IL17RA: variants seen among roughly 807,000 people sequenced by gnomAD.
IL17RA encodes the protein interleukin-17 receptor A.
A neutral mutation model predicts 50.4 loss-of-function variants in IL17RA; 34 were observed. The ratio of observed to expected loss-of-function variants is 0.67; its 90% CI spans 0.51 to 0.90. The LOEUF (loss-of-function observed/expected upper bound fraction) is 0.90. Ranked by LOEUF, IL17RA falls within the 40% of genes least tolerant of loss-of-function variation. The probability of loss-of-function intolerance (pLI) is 0.00; values close to 1 mark genes in which losing one functional copy is unlikely to be tolerated. For synonymous variants in IL17RA, 585 were observed against 510.4 expected, an observed-to-expected ratio of 1.15 and a Z score of -1.97; for missense variants, 1,276 against 1,169.8, an observed-to-expected ratio of 1.09 and a Z score of -1.32.
intron 11 of IL17RA, 113 bp from the exon 12 acceptor site, chr22:17,107,614 G>C: frequency 3.3e-6 from 3 of 904,802 alleles, no homozygotes; most frequent in Non-Finnish European, 3.7e-6. Context: ...GCTCAGTCTC[G>C]GGGCTGCCCC....
rs750454090 is a variant in IL17RA, at chr22:17,102,157, A to G, written c.617A>G (p.Asn206Ser). The G allele has an allele frequency of 8.7e-6, 14 of 1,614,002 alleles. No individual in the cohort carries two copies. Among genetic ancestry groups the G allele is most frequent in the African/African-American group, 2.7e-5 (2 of 74,910 alleles). ...CMSSGSLWDPNITVETLEAHQ... is the reference protein window; with the variant it reads ...CMSSGSLWDPSITVETLEAHQ... ...TTGGCAGGCAGCCTGTGGGACCCCA[A>G]CATCACCGTGGAGACCCTGGAGGCC... is the stretch of plus-strand genomic sequence containing the variant. Residue 206 changes from asparagine to serine, a missense_variant, in exon 7 of 13, where the codon AAC (asparagine) becomes AGC (serine). Asn to Ser is a conservative substitution (Grantham distance 46). Coordinates refer to ENST00000319363, the MANE Select transcript of IL17RA (RefSeq NM_014339.7).
At position 17,104,752 on chromosome 22, in the gene IL17RA, C is replaced by T. The variant is rs2228077; in HGVS notation, c.873C>T (p.Leu291=). The T allele has an allele frequency of 7.2e-4, 1,157 of 1,614,148 alleles. 5 individuals are homozygous for T. In the African/African-American group the frequency reaches 0.013, roughly 19 times the overall value. ...TCCAGCCCTTCTTCAGCAGCTGCCTCAATGACTGCCTCAGACACTCCGCGA... is the reference window on the plus strand; with the variant it reads ...TCCAGCCCTTCTTCAGCAGCTGCCTTAATGACTGCCTCAGACACTCCGCGA... ...VQIQPFFSSC[L]NDCLRHSATV... Residue 291 remains leucine (L), a synonymous_variant, in exon 9 of 13, where the codon CTC becomes CTT. Coordinates refer to ENST00000319363, the MANE Select transcript of IL17RA (RefSeq NM_014339.7).
chr22:17,096,707 A>G (rs574615758), intron 1 of IL17RA, among the ~76,000 whole-genome samples: 1 of 152,062 alleles, frequency 6.6e-6, no homozygotes, highest in African/African-American at 2.4e-5. Context: ...CGTCTCTACT[A>G]AAAACACAAA....
chr22:17,091,799 G>A (rs2061349230), intron 1 of IL17RA, among the ~76,000 whole-genome samples: 1 of 151,970 alleles, frequency 6.6e-6, no homozygotes, highest in African/African-American at 2.4e-5. Context: ...TCAAGATTTG[G>A]GGCCTTGGTC....
At chr22:17,099,736 A>G (rs2123799939) in intron 4 of IL17RA, among the ~76,000 whole-genome samples, 1 of 152,176 alleles carries the variant, frequency 6.6e-6, no homozygotes, top group Admixed American at 6.5e-5. Flanking sequence ...GAAGCAAAGG[A>G]CCCCGGCCCC....
chr22:17,109,771 A>C lies in IL17RA; in HGVS notation c.2552A>C (p.Asn851Thr). The change falls in exon 13 of 13, where the codon AAC becomes ACC. Residue 851 changes from asparagine to threonine, a missense_variant. Coordinates refer to ENST00000319363, the MANE Select transcript of IL17RA (RefSeq NM_014339.7). Reference sequence around the variant, plus strand: ...CTGCTTTTCCGCCAGCTGCAGAAGAACTCGGGCTGGGACACGATGGGGTCA... The same window carrying C: ...CTGCTTTTCCGCCAGCTGCAGAAGACCTCGGGCTGGGACACGATGGGGTCA... ...RQLLFRQLQK[N>T]SGWDTMGSES... 6.4e-7 allele frequency: 1 copy of C among 1,552,724 alleles called. No individual in the cohort carries two copies. Among genetic ancestry groups the C allele is most frequent in the Non-Finnish European group, 8.7e-7 (1 of 1,148,392 alleles).
At chr22:17,103,639 A>C in intron 8 of IL17RA, 62 bp downstream of exon 8, 1 of 1,239,256 alleles carries the variant, frequency 8.1e-7, no homozygotes, top group Non-Finnish European at 1.2e-6. Context: ...TAGAGTGGAC[A>C]GGAGTGAGGA....
In IL17RA at chr22:17,110,013, A is replaced by G. The variant is rs1331625694; in HGVS notation, c.*193A>G. 43 of 631,000 alleles carry G rather than the reference A, an allele frequency of 6.8e-5. No homozygotes were observed. In the East Asian group the frequency reaches 9.2e-4, roughly 13 times the overall value. The allele number at this position is 631,000 out of a possible 1,614,324, so 39.1% of individuals were successfully genotyped here. ...TTGTGCAGCGGTCTGGTTATCGTCT[A>G]TCCCCAGGGGAATCCACACAGCCCG... On this transcript the variant is annotated 3_prime_UTR_variant, in exon 13 of 13. Transcript: ENST00000319363.
chr22:17,094,680 T>TCC (rs2061361204), intron 1 of IL17RA, among the ~76,000 whole-genome samples: 9 of 73,450 alleles, frequency 1.2e-4, no homozygotes, highest in Admixed American at 5.9e-4. Flanking sequence ...TCTCTCTCTC[T>TCC]CTCTCTCTCT....
chr22:17,103,550 TA>T lies in IL17RA; in HGVS notation c.822del (p.Cys276AlafsTer68). The T allele has an allele frequency of 6.2e-7, 1 of 1,613,338 alleles. No homozygotes were observed. Among genetic ancestry groups the T allele is most frequent in the South Asian group, 1.1e-5 (1 of 90,932 alleles). On this transcript the variant is annotated frameshift_variant, in exon 8 of 13. Transcript: ENST00000319363. LOFTEE classifies it high-confidence loss of function. ...ACGTCACACTCACTCTACGCAACCT[TA>T]AAGGGTGCTGTCGCCACCAAGTGCA... ...SNVTLTLRNLKGCCRHQVQIQ... is the reference protein window; with the variant it reads ...SNVTLTLRNLXGCCRHQVQIQ...
chr22:17,112,272 C>T lies in IL17RA; in HGVS notation c.*2452C>T, dbSNP rs1406905429. Reference sequence around the variant, plus strand: ...TGCCTACTATCTCCAGGGCAGCTGCCTTTGTCCTCCTAACAGCTTTATTGG... The same window carrying T: ...TGCCTACTATCTCCAGGGCAGCTGCTTTTGTCCTCCTAACAGCTTTATTGG... On this transcript the variant is annotated 3_prime_UTR_variant, in exon 13 of 13. Transcript: ENST00000319363. 3 of 152,230 alleles carry T rather than the reference C, an allele frequency of 2.0e-5. No homozygotes were observed. The highest frequency in any genetic ancestry group is 7.2e-5 in the African/African-American group (3 of 41,436). The allele number at this position is 152,230 out of a possible 1,614,324, so 9.4% of individuals were successfully genotyped here.
intron 1 of IL17RA, among the ~76,000 whole-genome samples, chr22:17,086,559 C>A (rs1475982073): frequency 6.6e-6 from 1 of 152,002 alleles, no homozygotes; most frequent in African/African-American, 2.4e-5. Context: ...GAGTACAGGG[C>A]GCCATACTGG....
intron 7 of IL17RA, among the ~76,000 whole-genome samples, chr22:17,102,609 AAG>A (rs2061396021): frequency 6.6e-6 from 1 of 151,770 alleles, no homozygotes; most frequent in South Asian, 2.1e-4. Flanking sequence ...ATTTAAAAAA[AAG>A]AAGAAATGTG....
Position 17,110,036 on chromosome 22 carries a change from C to T in IL17RA, c.*216C>T, listed in dbSNP as rs2061434317. On this transcript the variant is annotated 3_prime_UTR_variant, in exon 13 of 13. Coordinates refer to ENST00000319363, the MANE Select transcript of IL17RA (RefSeq NM_014339.7). ...CTATCCCCAGGGGAATCCACACAGC[C>T]CGCTCCCAGGAGCTAATGGTAGAGC... 11 of 592,688 alleles carry T rather than the reference C, an allele frequency of 1.9e-5. No homozygotes were observed. In the South Asian group the frequency reaches 2.2e-4, roughly 12 times the overall value. 36.7% of individuals were successfully genotyped at this position (592,688 alleles called of 1,614,324 possible). A position where few individuals can be genotyped will look rare whatever the true frequency, so the allele number is the denominator to read the frequency against.
At chr22:17,090,761 C>A (rs2061345220) in intron 1 of IL17RA, among the ~76,000 whole-genome samples, 1 of 152,172 alleles carries the variant, frequency 6.6e-6, no homozygotes, top group Non-Finnish European at 1.5e-5. Context: ...ATTTATATAA[C>A]AATTAAGTAA....
At chr22:17,088,841 A>G (rs934869188) in intron 1 of IL17RA, among the ~76,000 whole-genome samples, 28 of 144,690 alleles carry the variant, frequency 1.9e-4, no homozygotes, top group Non-Finnish European at 4.1e-4. Flanking sequence ...TGTCATCCAG[A>G]TTGGAGTGCA....
In IL17RA at chr22:17,106,947, C is replaced by G. The variant is rs115025340; in HGVS notation, c.1046-780C>G. On this transcript the variant is annotated intron_variant, in intron 11 of 12. Transcript: ENST00000319363. ...CACAGGGTGAAGGCAAGAGGAGCCTCGCTGTTATTTGGCTGTCTTGTGACA... is the reference window on the plus strand; with the variant it reads ...CACAGGGTGAAGGCAAGAGGAGCCTGGCTGTTATTTGGCTGTCTTGTGACA... 2.6e-3 allele frequency among the ~76,000 whole-genome samples: 398 copies of G among 152,262 alleles called. 4 individuals carry two copies. The highest frequency in any genetic ancestry group is 9.3e-3 in the African/African-American group (385 of 41,540).
intron 1 of IL17RA, among the ~76,000 whole-genome samples, chr22:17,096,762 T>A (rs1270590895): frequency 6.7e-6 from 1 of 149,556 alleles, no homozygotes; most frequent in East Asian, 2.0e-4. Context: ...CCCAGCTACC[T>A]GGGAGGCCGA....
chr22:17,098,023 T>C, intron 3 of IL17RA, 80 bp downstream of exon 3: 2 of 1,541,646 alleles, frequency 1.3e-6, no homozygotes, highest in Non-Finnish European at 1.8e-6. Flanking sequence ...AGGATTGGGC[T>C]CCCAGTCCTG....
Sources: gnomAD v4.1 joint callset for allele counts (sites outside exome capture counted in the v4.1 genomes callset) on GRCh38, gnomAD v4.1.1 for gene constraint, MANE v1.5 for transcripts, NCBI Gene and HGNC (gene_info 2026-07-23, HGNC 2026-07-21) for gene names.